Variants in PARD3B observed in about 807,000 individuals in gnomAD.
PARD3B encodes par-3 family cell polarity regulator beta, also known as partitioning defective 3 homolog B.
A neutral mutation model predicts 130.2 loss-of-function variants in PARD3B; 103 were observed. The ratio of observed to expected loss-of-function variants is 0.79; its 90% confidence interval spans 0.67 to 0.93. The LOEUF is 0.93. Among genes scored for constraint, PARD3B ranks in the 40% least tolerant of loss-of-function variants. PARD3B has a pLI of 0.00. For synonymous variants in PARD3B, 583 were observed against 553.2 expected (o/e 1.05, Z -0.76); for missense variants, 1,609 against 1,499.2 (o/e 1.07, Z -1.21).
At chr2:204,649,970 A>C (rs965144717) in intron 1 of PARD3B, among the ~76,000 whole-genome samples, 20 of 152,334 alleles carry the variant, frequency 1.3e-4, no homozygotes, top group African/African-American at 4.3e-4. Flanking sequence ...CAACAGAGTA[A>C]ACAGATAACC....
chr2:205,104,069 C>A (rs139653027), intron 4 of PARD3B, among the ~76,000 whole-genome samples: 7 of 152,138 alleles, frequency 4.6e-5, no homozygotes, highest in Non-Finnish European at 8.8e-5. Context: ...TACCTTAAGG[C>A]TAATATATCA....
At position 205,253,469 on chromosome 2, in the gene PARD3B, A is replaced by C; in HGVS notation, c.2185+7647A>C. On this transcript the variant is annotated intron_variant, in intron 16 of 22. Coordinates refer to ENST00000406610, the MANE Select transcript of PARD3B (RefSeq NM_001302769.2). The surrounding 1 kb of genome is among the most constrained non-coding windows in gnomAD (Gnocchi z 4.4). ...TATGGATCACCTTGTGGATGGATGC[A>C]AAGAGACCAAACTTGGCGGGCACTG... 1 of 560,264 alleles carries C rather than the reference A, an allele frequency of 1.8e-6. No homozygotes were observed. The highest frequency in any genetic ancestry group is 4.7e-5 in the East Asian group (1 of 21,112). The allele number at this position is 560,264 out of a possible 1,614,324, so 34.7% of individuals were successfully genotyped here. A position where few individuals can be genotyped will look rare whatever the true frequency, so the allele number is the denominator to read the frequency against.
At chr2:205,089,970 C>T (rs1702001847) in intron 4 of PARD3B, among the ~76,000 whole-genome samples, 1 of 152,208 alleles carries the variant, frequency 6.6e-6, no homozygotes, top group African/African-American at 2.4e-5. Context: ...TGATTTTAAT[C>T]TGCTTTGATT....
chr2:204,743,145 C>T (rs1430982409), intron 2 of PARD3B, among the ~76,000 whole-genome samples: 1 of 151,566 alleles, frequency 6.6e-6, no homozygotes. Context: ...GTGTATGTAC[C>T]CAGAGTAGAT....
chr2:205,576,896 C>T (rs1010314693), intron 22 of PARD3B, among the ~76,000 whole-genome samples: 1 of 152,178 alleles, frequency 6.6e-6, no homozygotes, highest in Non-Finnish European at 1.5e-5. Flanking sequence ...GAACTGACAT[C>T]TTGAGAGTAT....
At chr2:205,569,704 A>G (rs969134853) in intron 22 of PARD3B, among the ~76,000 whole-genome samples, 2 of 152,206 alleles carry the variant, frequency 1.3e-5, no homozygotes, top group African/African-American at 4.8e-5. Context: ...ATTATGCCCT[A>G]TGTCAGGATA....
intron 3 of PARD3B, among the ~76,000 whole-genome samples, chr2:205,005,535 C>G (rs570448990): frequency 1.3e-5 from 2 of 152,122 alleles, no homozygotes; most frequent in African/African-American, 2.4e-5. Flanking sequence ...TCTCATCAAG[C>G]CTTTCAGATA....
chr2:205,521,426 C>T (rs1029260489), intron 21 of PARD3B, among the ~76,000 whole-genome samples: 20 of 151,826 alleles, frequency 1.3e-4, no homozygotes, highest in Non-Finnish European at 7.4e-5. Context: ...TTTCTAACTT[C>T]GTCAATAGAC....
At chr2:205,153,737 T>C (rs2033919790) in intron 10 of PARD3B, among the ~76,000 whole-genome samples, 1 of 151,952 alleles carries the variant, frequency 6.6e-6, no homozygotes, top group African/African-American at 2.4e-5. Context: ...TCAGAAATAA[T>C]ACCATACATC....
At chr2:205,600,776 C>T (rs2054753135) in intron 22 of PARD3B, among the ~76,000 whole-genome samples, 1 of 152,180 alleles carries the variant, frequency 6.6e-6, no homozygotes, top group South Asian at 2.1e-4. Context: ...GTTCCTGCAT[C>T]AGTTTGCCGA....
At chr2:205,222,753 C>T (rs6730457) in intron 15 of PARD3B, among the ~76,000 whole-genome samples, 122,513 of 152,062 alleles carry the variant, frequency 0.81, 49,651 homozygotes, top group East Asian at 0.98. Context: ...AAAGCTTTTA[C>T]AATTTGAGTG....
chr2:204,581,204 C>G (rs547208244), intron 1 of PARD3B, among the ~76,000 whole-genome samples: 1 of 152,294 alleles, frequency 6.6e-6, no homozygotes, highest in Admixed American at 6.5e-5. Flanking sequence ...CTTGTTAGTT[C>G]TCTGAGCACT....
chr2:205,092,977 G>A (rs1702197668), intron 4 of PARD3B, among the ~76,000 whole-genome samples: 1 of 152,152 alleles, frequency 6.6e-6, no homozygotes, highest in Non-Finnish European at 1.5e-5. Context: ...ACAAATCAGT[G>A]CATTCTCTTT....
In PARD3B at chr2:205,585,355, G is replaced by T. The variant is rs1325975687; in HGVS notation, c.3261-30101G>T. Among the ~76,000 whole-genome samples, 1 of 152,212 alleles carries T rather than the reference G, an allele frequency of 6.6e-6. No individual in the cohort carries two copies. Among genetic ancestry groups the T allele is most frequent in the African/African-American group, 2.4e-5 (1 of 41,460 alleles). On this transcript the variant is annotated intron_variant, in intron 22 of 22. Coordinates refer to ENST00000406610, the MANE Select transcript of PARD3B (RefSeq NM_001302769.2). The surrounding 1 kb of genome is among the most constrained non-coding windows in gnomAD (Gnocchi z 5.4). ...GGATTCCACCCTGCTGGGGCTGGCTGTTTATAATGGCTAAAAATGATGGAG... is the reference window on the plus strand; with the variant it reads ...GGATTCCACCCTGCTGGGGCTGGCTTTTTATAATGGCTAAAAATGATGGAG...
chr2:204,648,916 A>G (rs2035380854), intron 1 of PARD3B, among the ~76,000 whole-genome samples: 1 of 37,218 alleles, frequency 2.7e-5, no homozygotes, highest in South Asian at 1.9e-3. Context: ...TTTATAATAT[A>G]TATCATATAA....
rs2029888762 is a variant in PARD3B at position 204,545,880 on chromosome 2, G to A, written c.-120G>A. ...GAGCCTCCGGGCCTCAGGGTGTTCC[G>A]GGGAGCGGCGCCCCGGGTCTCTGGG... On this transcript the variant is annotated 5_prime_UTR_variant, in exon 1 of 23. Transcript: ENST00000406610. The A allele has an allele frequency of 3.4e-6, 4 of 1,176,200 alleles. No homozygotes were observed. The highest frequency in any genetic ancestry group is 3.1e-5 in the East Asian group (1 of 32,224). The allele number at this position is 1,176,200 out of a possible 1,614,324, so 72.9% of individuals were successfully genotyped here. A position where few individuals can be genotyped will look rare whatever the true frequency, so the allele number is the denominator to read the frequency against.
intron 2 of PARD3B, among the ~76,000 whole-genome samples, chr2:204,716,520 A>G (rs904125380): frequency 6.6e-6 from 1 of 151,880 alleles, no homozygotes; most frequent in Non-Finnish European, 1.5e-5. Context: ...TAAAGGATGT[A>G]CTTGGGGAAG....
At chr2:205,442,729 C>G (rs1371464187) in intron 20 of PARD3B, among the ~76,000 whole-genome samples, 1 of 152,120 alleles carries the variant, frequency 6.6e-6, no homozygotes, top group Non-Finnish European at 1.5e-5. Context: ...GCATATGTTT[C>G]CCCCAGATCT....
intron 16 of PARD3B, among the ~76,000 whole-genome samples, chr2:205,257,937 G>T (rs2040157721): frequency 6.6e-6 from 1 of 152,110 alleles, no homozygotes; most frequent in African/African-American, 2.4e-5. Context: ...GCCTTTTCCT[G>T]TCCGTAGTCA....
Sources: allele counts gnomAD v4.1 joint callset (sites outside exome capture counted in the v4.1 genomes callset), GRCh38; gene constraint gnomAD v4.1.1; non-coding constraint Gnocchi (gnomAD v3.1); transcripts MANE v1.5; gene names NCBI Gene and HGNC (gene_info 2026-07-23, HGNC 2026-07-21).